The following MED12L variants were observed in gnomAD, a reference collection of about 807,000 sequenced individuals.
The protein encoded by MED12L is mediator of RNA polymerase II transcription subunit 12-like protein.
A neutral mutation model predicts 281.3 loss-of-function variants in MED12L; 60 were observed. The ratio of observed to expected loss-of-function variants is 0.21; its 90% CI spans 0.17 to 0.26. The LOEUF (loss-of-function observed/expected upper bound fraction) is 0.26, where lower values mean the gene tolerates loss of function less well. Among genes scored for constraint, MED12L ranks in the 10% least tolerant of loss-of-function variants. The pLI, the probability that MED12L is intolerant of heterozygous loss-of-function variation, is 1.00. For missense variants in MED12L, 2,146 were observed against 2,680.9 expected (o/e 0.80, Z 4.41); for synonymous variants, 974 against 987.2 (o/e 0.99, Z 0.25).
At chr3:151,174,302 T>C (rs1376591161) in intron 11 of MED12L, among the ~76,000 whole-genome samples, 1 of 152,236 alleles carries the variant, frequency 6.6e-6, no homozygotes, top group Non-Finnish European at 1.5e-5. Context: ...TCAGCCCCTG[T>C]ATGACTTTCT....
chr3:151,245,352 T>C (rs1735180312), intron 16 of MED12L, among the ~76,000 whole-genome samples: 1 of 151,700 alleles, frequency 6.6e-6, no homozygotes, highest in Non-Finnish European at 1.5e-5. Context: ...TTGATGAACA[T>C]TGATGCAAAA....
At position 151,192,640 on chromosome 3, in the gene MED12L, G is replaced by A. The variant is rs969173516; in HGVS notation, c.2059G>A (p.Gly687Ser). The change falls in exon 15 of 45, where the codon GGT becomes AGT. Residue 687 changes from glycine (G) to serine (S), a missense_variant. By Grantham distance (56) the Gly-to-Ser change is moderately conservative (BLOSUM62 0). Coordinates refer to ENST00000687756, the MANE Select transcript of MED12L (RefSeq NM_001393769.1). ...VDKSDFKTDF[G>S]SEFPIFSPMP... ...CAAGAGTGACTTTAAAACTGACTTT[G>A]GTTCGGAATTTCCAGTAGGTTCAAT... 1 of 1,534,838 alleles carries A rather than the reference G, an allele frequency of 6.5e-7. No homozygotes were observed. Among genetic ancestry groups the A allele is most frequent in the Non-Finnish European group, 8.7e-7 (1 of 1,145,544 alleles).
rs1461189670 is a variant in MED12L at position 151,247,691 on chromosome 3, G to T, written c.2250+54025G>T. Among the ~76,000 whole-genome samples, 4 of 147,034 alleles carry T rather than the reference G, an allele frequency of 2.7e-5. 1 individual carries two copies. Among genetic ancestry groups the T allele is most frequent in the African/African-American group, 1.0e-4 (4 of 40,034 alleles). On this transcript the variant is annotated intron_variant, in intron 16 of 44. Coordinates refer to ENST00000687756, the MANE Select transcript of MED12L (RefSeq NM_001393769.1). The stretch of plus-strand genomic sequence containing the variant: ...ACGAGTTAGTGGGTGCAGTGCACCA[G>T]CATGGCACATGTATACATATGTAAC...
At chr3:151,115,639 G>A (rs1712653154) in intron 2 of MED12L, among the ~76,000 whole-genome samples, 1 of 151,534 alleles carries the variant, frequency 6.6e-6, no homozygotes, top group Non-Finnish European at 1.5e-5. Context: ...GAGCCACCGC[G>A]CCCGGCCTGG....
chr3:151,289,245 G>T (rs1279044152), intron 16 of MED12L, among the ~76,000 whole-genome samples: 1 of 152,178 alleles, frequency 6.6e-6, no homozygotes, highest in Non-Finnish European at 1.5e-5. Flanking sequence ...CTATCCCAGA[G>T]TAAGTGATGC....
intron 16 of MED12L, among the ~76,000 whole-genome samples, chr3:151,299,264 T>A (rs1203015011): frequency 6.6e-6 from 1 of 152,144 alleles, no homozygotes; most frequent in Non-Finnish European, 1.5e-5. Flanking sequence ...AATGAAATAA[T>A]AAAAGTCATT....
intron 16 of MED12L, among the ~76,000 whole-genome samples, chr3:151,220,915 T>G (rs1729214524): frequency 6.6e-6 from 1 of 152,202 alleles, no homozygotes; most frequent in Non-Finnish European, 1.5e-5. Context: ...TGGAACAGTT[T>G]GGAGGGCTCA....
At chr3:151,136,452 AT>A (rs1251315214) in intron 5 of MED12L, among the ~76,000 whole-genome samples, 1 of 152,234 alleles carries the variant, frequency 6.6e-6, no homozygotes, top group East Asian at 1.9e-4. Flanking sequence ...AATCCTGAAG[AT>A]TGGACAGAAG....
At chr3:151,301,117 A>G (rs1248738811) in intron 16 of MED12L, among the ~76,000 whole-genome samples, 1 of 152,168 alleles carries the variant, frequency 6.6e-6, no homozygotes, top group Non-Finnish European at 1.5e-5. Flanking sequence ...AGCATAGGCA[A>G]TGATTAAGGC....
intron 5 of MED12L, among the ~76,000 whole-genome samples, chr3:151,153,564 C>CTTTTTTT (rs1177653143): frequency 1.6e-4 from 15 of 94,266 alleles, no homozygotes; most frequent in Admixed American, 5.0e-4. Context: ...TGTTTTCTTT[C>CTTTTTTT]TTTTTTTTTT....
intron 5 of MED12L, among the ~76,000 whole-genome samples, chr3:151,153,415 G>A (rs1225656362): frequency 1.3e-5 from 2 of 152,030 alleles, no homozygotes; most frequent in Non-Finnish European, 2.9e-5. Flanking sequence ...AACTACACAT[G>A]TATTCATATC....
At chr3:151,431,764 G>C (rs1411617676) in intron 44 of MED12L, among the ~76,000 whole-genome samples, 1 of 152,142 alleles carries the variant, frequency 6.6e-6, no homozygotes, top group Non-Finnish European at 1.5e-5. Context: ...TCAGCTTTTT[G>C]TTAAAGCCAT....
chr3:151,384,179 G>T lies in MED12L; in HGVS notation c.4887G>T (p.Glu1629Asp), dbSNP rs762721689. 6.2e-7 allele frequency: 1 copy of T among 1,613,532 alleles called. No homozygotes were observed. Among genetic ancestry groups the T allele is most frequent in the South Asian group, 1.1e-5 (1 of 90,904 alleles). Residue 1629 changes from glutamate (E) to aspartate (D), a missense_variant, in exon 35 of 45, where the codon GAG (glutamate) becomes GAT (aspartate). Physicochemically the swap from Glu to Asp is conservative, Grantham distance 45 (BLOSUM62 2). Coordinates refer to ENST00000687756, the MANE Select transcript of MED12L (RefSeq NM_001393769.1). ...LSNASPGGSE[E>D]NKRAYMNLVK... is the part of the protein sequence containing the mutation. ...ATGCATCCCCTGGGGGATCTGAAGA[G>T]AACAAGCGTGCATACATGAATTTAG...
At chr3:151,269,845 A>C in intron 16 of MED12L, 1 of 450,190 alleles carries the variant, frequency 2.2e-6, no homozygotes, top group South Asian at 1.6e-5. Context: ...CGCAGAGTAA[A>C]GTCAGCAGGA....
chr3:151,223,905 C>A (rs562966872), intron 16 of MED12L, among the ~76,000 whole-genome samples: 1 of 152,248 alleles, frequency 6.6e-6, no homozygotes, highest in Non-Finnish European at 1.5e-5. Context: ...AGCCTCCTTA[C>A]ACCCAACCAA....
At chr3:151,243,486 T>G (rs1379140344) in intron 16 of MED12L, among the ~76,000 whole-genome samples, 1 of 152,218 alleles carries the variant, frequency 6.6e-6, no homozygotes, top group Non-Finnish European at 1.5e-5. Flanking sequence ...ACAAGAATTT[T>G]CAACCTGGAA....
chr3:151,418,977 C>T (rs778730863), intron 43 of MED12L, among the ~76,000 whole-genome samples: 15 of 152,114 alleles, frequency 9.9e-5, no homozygotes, highest in Non-Finnish European at 1.9e-4. Context: ...TACCCAAAAT[C>T]GCTTCAAGCA....
At chr3:151,329,390 G>T (rs1750088790) in intron 16 of MED12L, 4 of 734,028 alleles carry the variant, frequency 5.4e-6, no homozygotes, top group Non-Finnish European at 9.2e-6. Context: ...ACTATGGTTT[G>T]TAGAATATTA....
intron 2 of MED12L, among the ~76,000 whole-genome samples, chr3:151,103,994 G>A (rs556033661): frequency 6.6e-6 from 1 of 152,240 alleles, no homozygotes; most frequent in East Asian, 1.9e-4. Flanking sequence ...GTGAGGGAGT[G>A]GTATTATTAC....
Sources: gnomAD v4.1 joint callset for allele counts (sites outside exome capture counted in the v4.1 genomes callset) on GRCh38, gnomAD v4.1.1 for gene constraint, MANE v1.5 for transcripts, NCBI Gene and HGNC (gene_info 2026-07-23, HGNC 2026-07-21) for gene names.